Variants in PALS2 observed in about 807,000 individuals in gnomAD.
PALS2 encodes the protein protein associated with LIN7 2, MAGUK p55 family member, also known as protein PALS2.
In PALS2, 27 loss-of-function variants were observed where a neutral mutation model predicts 61.6. The observed-to-expected ratio is 0.44, with a 90% CI of 0.32 to 0.60. PALS2 has a LOEUF of 0.60. Ranked by LOEUF, PALS2 falls within the 20% of genes least tolerant of loss-of-function variation. PALS2 has a pLI of 0.05. For missense variants in PALS2, 554 were observed against 639.4 expected, an observed-to-expected ratio of 0.87 and a Z score of 1.44; for synonymous variants, 236 against 218.6, an observed-to-expected ratio of 1.08 and a Z score of -0.70.
At chr7:24,601,584 G>A (rs1337939164) in intron 1 of PALS2, among the ~76,000 whole-genome samples, 1 of 151,370 alleles carries the variant, frequency 6.6e-6, no homozygotes, top group Non-Finnish European at 1.5e-5. Context: ...CCCTCTTTAT[G>A]TTTTGCTTGT....
At chr7:24,661,850 A>T (rs541568017) in intron 5 of PALS2, among the ~76,000 whole-genome samples, 2 of 152,338 alleles carry the variant, frequency 1.3e-5, no homozygotes, top group African/African-American at 4.8e-5. Context: ...GAGTTTCATC[A>T]ATATGGAGAG....
chr7:24,674,997 G>A (rs1273518978), intron 9 of PALS2, among the ~76,000 whole-genome samples: 1 of 152,176 alleles, frequency 6.6e-6, no homozygotes, highest in African/African-American at 2.4e-5. Context: ...CAGTATAGAA[G>A]TCTAAGGAAT....
intron 6 of PALS2, 55 bp downstream of exon 6, chr7:24,663,776 C>G: frequency 1.3e-6 from 2 of 1,524,150 alleles, no homozygotes; most frequent in Non-Finnish European, 1.8e-6. Flanking sequence ...AATCTTAGAT[C>G]TGATCAATAT....
At position 24,598,043 on chromosome 7, in the gene PALS2, T is replaced by C. The variant is rs767425221; in HGVS notation, c.-3+24450T>C. 3.9e-4 allele frequency among the ~76,000 whole-genome samples: 60 copies of C among 152,170 alleles called. 1 individual carries two copies. Among genetic ancestry groups the C allele is most frequent in the Middle Eastern group, 6.8e-3 (2 of 294 alleles). The stretch of plus-strand genomic sequence containing the variant: ...GTGGAAAATAAGAGGTGAGGGGAGA[T>C]GATTACTTCATGATTTGCCTAGGGC... On this transcript the variant is annotated intron_variant, in intron 1 of 11. Coordinates refer to ENST00000222644, the MANE Select transcript of PALS2 (RefSeq NM_001303037.2).
At chr7:24,623,615 TTTTGTTTG>T (rs567037990) in intron 1 of PALS2, 43 bp from the exon 2 acceptor site, 60 of 1,154,098 alleles carry the variant, frequency 5.2e-5, no homozygotes, top group Admixed American at 2.2e-4. Context: ...ATTTAAGGGT[TTTTGTTTG>T]TTTGTTTGTT....
intron 1 of PALS2, among the ~76,000 whole-genome samples, chr7:24,586,162 T>C (rs966300004): frequency 6.6e-6 from 1 of 152,206 alleles, no homozygotes; most frequent in African/African-American, 2.4e-5. Flanking sequence ...GCTATTTTTT[T>C]TTTTAATTGA....
At chr7:24,623,814 A>T (rs1251752944) in intron 2 of PALS2, 30 bp downstream of exon 2, 35 of 1,425,308 alleles carry the variant, frequency 2.5e-5, no homozygotes, top group Non-Finnish European at 3.4e-5. Context: ...AGATTACTGA[A>T]TTATTTTGGA....
chr7:24,659,282 C>T (rs1292791466), intron 5 of PALS2, among the ~76,000 whole-genome samples: 1 of 152,170 alleles, frequency 6.6e-6, no homozygotes, highest in African/African-American at 2.4e-5. Flanking sequence ...CATATCTTTG[C>T]TGTTGTGAAA....
At position 24,603,603 on chromosome 7, in the gene PALS2, T is replaced by G. The variant is rs147016925; in HGVS notation, c.-2-20063T>G. Among the ~76,000 whole-genome samples, 1,003 of 152,266 alleles carry G rather than the reference T, an allele frequency of 6.6e-3. 7 individuals carry two copies. Among genetic ancestry groups the G allele is most frequent in the Middle Eastern group, 0.054 (16 of 294 alleles). On this transcript the variant is annotated intron_variant, in intron 1 of 11. Transcript: ENST00000222644. ...ACAGCTCAACTCACTGAGAGTGAAGTCTTAAAAGCTTGAGGTTTTTGAACA... is the reference window on the plus strand; with the variant it reads ...ACAGCTCAACTCACTGAGAGTGAAGGCTTAAAAGCTTGAGGTTTTTGAACA...
intron 4 of PALS2, 62 bp downstream of exon 4, chr7:24,649,826 C>CA: frequency 7.2e-7 from 1 of 1,385,276 alleles, no homozygotes; most frequent in East Asian, 2.6e-5. Flanking sequence ...GTGGTTCAGT[C>CA]ACTACTCTGT....
chr7:24,574,754 A>G (rs1583814485), intron 1 of PALS2, among the ~76,000 whole-genome samples: 2 of 152,316 alleles, frequency 1.3e-5, no homozygotes, highest in East Asian at 3.9e-4. Context: ...CAATTGGAGT[A>G]TGATTTAGCA....
At chr7:24,592,651 CAT>C (rs1383061376) in intron 1 of PALS2, among the ~76,000 whole-genome samples, 3 of 152,110 alleles carry the variant, frequency 2.0e-5, no homozygotes, top group Admixed American at 6.6e-5. Flanking sequence ...CAATAAAACA[CAT>C]ATCACAATGA....
intron 6 of PALS2, 134 bp downstream of exon 6, chr7:24,663,855 T>A: frequency 2.7e-6 from 3 of 1,128,878 alleles, no homozygotes; most frequent in Non-Finnish European, 3.8e-6. Flanking sequence ...TCCTGCTTCG[T>A]GGCTACTAAT....
chr7:24,679,106 A>G lies in PALS2; in HGVS notation c.1115-25A>G, dbSNP rs943617595. On this transcript the variant is annotated intron_variant, in intron 9 of 11. Coordinates refer to ENST00000222644, the MANE Select transcript of PALS2 (RefSeq NM_001303037.2). ...TTATGCCCTAAAATTTCTTTGTACAAAAATCTCAACACTATTTTATTTAGT... is the reference window on the plus strand; with the variant it reads ...TTATGCCCTAAAATTTCTTTGTACAGAAATCTCAACACTATTTTATTTAGT... The G allele has an allele frequency of 2.5e-6, 4 of 1,605,886 alleles. No individual in the cohort carries two copies. The African/African-American group carries it at 5.4e-5, about 22-fold the overall frequency.
chr7:24,663,192 C>A (rs1562650763), intron 5 of PALS2, among the ~76,000 whole-genome samples: 1 of 152,184 alleles, frequency 6.6e-6, no homozygotes, highest in Non-Finnish European at 1.5e-5. Context: ...AGTTCTAATA[C>A]ATCTGAAATA....
At chr7:24,624,074 A>G in intron 2 of PALS2, 5 of 1,339,462 alleles carry the variant, frequency 3.7e-6, no homozygotes, top group Non-Finnish European at 4.9e-6. Context: ...CCTGTGAAAA[A>G]GATCCTGATC....
At position 24,573,650 on chromosome 7, in the gene PALS2, G is replaced by T; in HGVS notation, c.-3+57G>T. 3.7e-6 allele frequency: 1 copy of T among 268,494 alleles called. No homozygotes were observed. Among genetic ancestry groups the T allele is most frequent in the Non-Finnish European group, 7.0e-6 (1 of 143,442 alleles). 16.6% of individuals were successfully genotyped at this position (268,494 alleles called of 1,614,324 possible). On this transcript the variant is annotated intron_variant, in intron 1 of 11. Transcript: ENST00000222644. The surrounding 1 kb of genome is among the most constrained non-coding windows in gnomAD (Gnocchi z 5.3). The stretch of plus-strand genomic sequence containing the variant: ...TAACGGTCGCGCCGCGCGCCGGGCC[G>T]GCCGGGGGCGCCCTGTTGCTCGGCG...
Position 24,688,690 on chromosome 7 carries a change from T to C in PALS2, c.*1076T>C, listed in dbSNP as rs1232655030. 1 of 151,334 alleles carries C rather than the reference T, an allele frequency of 6.6e-6. No homozygotes were observed. The highest frequency in any genetic ancestry group is 1.5e-5 in the Non-Finnish European group (1 of 67,848). The allele number at this position is 151,334 out of a possible 1,614,324, so 9.4% of individuals were successfully genotyped here. A position where few individuals can be genotyped will look rare whatever the true frequency, so the allele number is the denominator to read the frequency against. On this transcript the variant is annotated 3_prime_UTR_variant, in exon 12 of 12. Transcript: ENST00000222644. ...AACTTAAAAAATTGGGAAATAATTGTCAGCTATTTTGTATACATACACACA... is the reference window on the plus strand; with the variant it reads ...AACTTAAAAAATTGGGAAATAATTGCCAGCTATTTTGTATACATACACACA...
rs561203365 is a variant in PALS2 at position 24,692,274 on chromosome 7, A to G, written c.*4660A>G. On this transcript the variant is annotated 3_prime_UTR_variant, in exon 12 of 12. Coordinates refer to ENST00000222644, the MANE Select transcript of PALS2 (RefSeq NM_001303037.2). ...ACTTTTTAAAAAATATTCTCTAGTG[A>G]TAAAAGTAAAGACAGGGTACTGGCC... 6.6e-6 allele frequency: 1 copy of G among 152,188 alleles called. No individual in the cohort carries two copies. Among genetic ancestry groups the G allele is most frequent in the Non-Finnish European group, 1.5e-5 (1 of 68,022 alleles). 9.4% of individuals were successfully genotyped at this position (152,188 alleles called of 1,614,324 possible). A position where few individuals can be genotyped will look rare whatever the true frequency, so the allele number is the denominator to read the frequency against.
Sources: allele counts gnomAD v4.1 joint callset (sites outside exome capture counted in the v4.1 genomes callset), GRCh38; gene constraint gnomAD v4.1.1; non-coding constraint Gnocchi (gnomAD v3.1); transcripts MANE v1.5; gene names NCBI Gene and HGNC (gene_info 2026-07-23, HGNC 2026-07-21).